The following SPATA20 variants were observed in gnomAD, a reference collection of about 807,000 sequenced individuals.
The protein encoded by SPATA20 is spermatogenesis associated 20, also known as spermatogenesis-associated protein 20.
SPATA20 carries 74 observed loss-of-function variants against 98.9 expected under a neutral mutation model. The ratio of observed to expected loss-of-function variants is 0.75; its 90% CI spans 0.62 to 0.91. The LOEUF is 0.91. Among genes scored for constraint, SPATA20 ranks in the 40% least tolerant of loss-of-function variants. The probability of loss-of-function intolerance (pLI) is 0.00; values close to 1 mark genes in which losing one functional copy is unlikely to be tolerated. For synonymous variants in SPATA20, 430 were observed against 440.5 expected (o/e 0.98, Z 0.30); for missense variants, 1,016 against 1,069.8 (o/e 0.95, Z 0.70).
intron 15 of SPATA20, among the ~76,000 whole-genome samples, chr17:50,554,742 A>G (rs1024061515): frequency 6.6e-6 from 1 of 151,686 alleles, no homozygotes; most frequent in Non-Finnish European, 1.5e-5. Flanking sequence ...GTGTCTGTGC[A>G]CCTACCTTTG....
chr17:50,551,946 C>T lies in SPATA20; in HGVS notation c.1746-23C>T. 8 of 1,554,470 alleles carry T rather than the reference C, an allele frequency of 5.1e-6. 1 individual carries two copies. The South Asian group carries it at 9.4e-5, about 18-fold the overall frequency. Reference sequence around the variant, plus strand: ...TCTCTCCTGGGGCTCTCCCCAGCCCCTCCCGTAATGCCTGTCCCCCAGCAA... The same window carrying T: ...TCTCTCCTGGGGCTCTCCCCAGCCCTTCCCGTAATGCCTGTCCCCCAGCAA... On this transcript the variant is annotated intron_variant, in intron 13 of 16. Transcript: ENST00000006658.
Position 50,547,199 on chromosome 17 carries a change from C to A in SPATA20, c.-10C>A. 1 of 1,426,646 alleles carries A rather than the reference C, an allele frequency of 7.0e-7. No homozygotes were observed. Among genetic ancestry groups the A allele is most frequent in the Non-Finnish European group, 9.1e-7 (1 of 1,098,366 alleles). 88.4% of individuals were successfully genotyped at this position (1,426,646 alleles called of 1,614,324 possible). On this transcript the variant is annotated 5_prime_UTR_variant, in exon 1 of 17. Transcript: ENST00000006658. Reference sequence around the variant, plus strand: ...GTCCTCAGCGGCCGGGCCCACGGCCCCGAGCAGCCATGCTGGGCGCGCGGG... The same window carrying A: ...GTCCTCAGCGGCCGGGCCCACGGCCACGAGCAGCCATGCTGGGCGCGCGGG...
At chr17:50,547,572 C>T in intron 1 of SPATA20, 148 bp from the exon 2 acceptor site, 1 of 712,618 alleles carries the variant, frequency 1.4e-6, no homozygotes, top group East Asian at 2.6e-5. Context: ...TCCTTGCACC[C>T]CAGTGCTGGA....
intron 4 of SPATA20, 21 bp downstream of exon 4, chr17:50,548,639 G>C: frequency 6.2e-7 from 1 of 1,610,794 alleles, no homozygotes; most frequent in Non-Finnish European, 8.5e-7. Context: ...CACCTTCCCT[G>C]ATGTGGGGGT....
At position 50,548,255 on chromosome 17, in the gene SPATA20, G is replaced by A. The variant is rs758216596; in HGVS notation, c.126-28G>A. The A allele has an allele frequency of 7.5e-6, 12 of 1,608,740 alleles. No homozygotes were observed. The African/African-American group carries it at 1.6e-4, about 22-fold the overall frequency. ...GGGAGAAGGTGGGTGGAGGCCCCTG[G>A]CTTGCCTGATGCACCAGTCCTCGCC... is the stretch of plus-strand genomic sequence containing the variant. On this transcript the variant is annotated intron_variant, in intron 2 of 16. Coordinates refer to ENST00000006658, the MANE Select transcript of SPATA20 (RefSeq NM_022827.4).
At chr17:50,549,947 C>T in intron 7 of SPATA20, 38 bp from the exon 8 acceptor site, 1 of 1,521,626 alleles carries the variant, frequency 6.6e-7, no homozygotes, top group East Asian at 2.3e-5. Flanking sequence ...TCCCCACTTT[C>T]CCATTCTCTC....
chr17:50,551,908 C>A, intron 13 of SPATA20, 61 bp from the exon 14 acceptor site: 1 of 1,459,462 alleles, frequency 6.9e-7, no homozygotes, highest in Non-Finnish European at 9.3e-7. Context: ...AGGGCCTCCT[C>A]TGGGAAAGGC....
Position 50,551,112 on chromosome 17 carries a change from G to C in SPATA20, c.1498G>C (p.Gly500Arg), listed in dbSNP as rs1359396256. ...GGCCGTGCGGACCTTGCTCAATTCA[G>C]GGCTGGAGAAGCTCTTCCAGGCCCG... ...VEAVRTLLNS[G>R]LEKLFQARKH... The change falls in exon 12 of 17, where the codon GGG becomes CGG. Residue 500 changes from glycine (G) to arginine (R), a missense_variant. By Grantham distance (125) the Gly-to-Arg change is moderately radical. Transcript: ENST00000006658. 4.3e-6 allele frequency: 7 copies of C among 1,612,682 alleles called. No homozygotes were observed. Among genetic ancestry groups the C allele is most frequent in the African/African-American group, 1.3e-5 (1 of 74,934 alleles).
chr17:50,551,566 G>T lies in SPATA20; in HGVS notation c.1632G>T (p.Leu544=). ...VTGAVLGQDR[L]INYATNGAKF... is the part of the protein sequence containing the mutation. ...GGGCTGTCCTGGGCCAAGACAGGCT[G>T]ATCAACTATGCCACCAATGGTGCCA... The change falls in exon 13 of 17, where the codon CTG becomes CTT. Residue 544 remains leucine (L), a synonymous_variant. Transcript: ENST00000006658. 1 of 1,606,492 alleles carries T rather than the reference G, an allele frequency of 6.2e-7. No individual in the cohort carries two copies. Among genetic ancestry groups the T allele is most frequent in the Non-Finnish European group, 8.5e-7 (1 of 1,173,788 alleles).
Position 50,554,298 on chromosome 17 carries a change from C to G in SPATA20, c.2005C>G (p.Leu669Val), listed in dbSNP as rs767329845. Reference sequence around the variant, plus strand: ...CGCCAATTCCGTGTCAGCCCACAACCTGCTCCGGCTGCATGGCTTCACGGG... The same window carrying G: ...CGCCAATTCCGTGTCAGCCCACAACGTGCTCCGGCTGCATGGCTTCACGGG... Reference protein sequence around the residue: ...PSANSVSAHNLLRLHGFTGHK... With the variant: ...PSANSVSAHNVLRLHGFTGHK... The change falls in exon 15 of 17, where the codon CTG becomes GTG. Residue 669 changes from leucine to valine, a missense_variant. Transcript: ENST00000006658. 6.2e-7 allele frequency: 1 copy of G among 1,614,238 alleles called. No individual in the cohort carries two copies. Among genetic ancestry groups the G allele is most frequent in the South Asian group, 1.1e-5 (1 of 91,088 alleles).
chr17:50,549,581 C>T (rs2034977157), intron 7 of SPATA20, 94 bp downstream of exon 7: 3 of 1,295,954 alleles, frequency 2.3e-6, no homozygotes, highest in Non-Finnish European at 1.1e-6. Flanking sequence ...CCCATAGCTT[C>T]CTGTCCTCCT....
At position 50,551,560 on chromosome 17, in the gene SPATA20, C is replaced by T. The variant is rs776185083; in HGVS notation, c.1626C>T (p.Asp542=). ...TGACTGGGGCTGTCCTGGGCCAAGACAGGCTGATCAACTATGCCACCAATG... is the reference window on the plus strand; with the variant it reads ...TGACTGGGGCTGTCCTGGGCCAAGATAGGCTGATCAACTATGCCACCAATG... ...YAVTGAVLGQ[D]RLINYATNGA... is the part of the protein sequence containing the mutation. The change falls in exon 13 of 17, where the codon GAC becomes GAT. Residue 542 remains aspartate (D), a synonymous_variant. Coordinates refer to ENST00000006658, the MANE Select transcript of SPATA20 (RefSeq NM_022827.4). The T allele has an allele frequency of 1.2e-6, 2 of 1,605,246 alleles. No individual in the cohort carries two copies. Among genetic ancestry groups the T allele is most frequent in the South Asian group, 2.2e-5 (2 of 90,908 alleles).
Position 50,548,278 on chromosome 17 carries a change from G to A in SPATA20, c.126-5G>A, listed in dbSNP as rs748381843. 7 of 1,612,530 alleles carry A rather than the reference G, an allele frequency of 4.3e-6. No individual in the cohort carries two copies. The highest frequency in any genetic ancestry group is 3.3e-5 in the South Asian group (3 of 90,942). On this transcript the variant is annotated splice_polypyrimidine_tract_variant and splice_region_variant and intron_variant, in intron 2 of 16. Coordinates refer to ENST00000006658, the MANE Select transcript of SPATA20 (RefSeq NM_022827.4). Reference sequence around the variant, plus strand: ...TGGCTTGCCTGATGCACCAGTCCTCGCCAGGGGTAGCTCCTCCCGGGACAA... The same window carrying A: ...TGGCTTGCCTGATGCACCAGTCCTCACCAGGGGTAGCTCCTCCCGGGACAA...
chr17:50,554,928 TGA>T (rs1358689391), intron 15 of SPATA20, among the ~76,000 whole-genome samples: 3 of 126,376 alleles, frequency 2.4e-5, no homozygotes, highest in African/African-American at 3.5e-5. Context: ...TGTGTGTGTG[TGA>T]CTACTCTGTG....
At position 50,552,009 on chromosome 17, in the gene SPATA20, G is replaced by T; in HGVS notation, c.1786G>T (p.Val596Leu). 3 of 1,612,556 alleles carry T rather than the reference G, an allele frequency of 1.9e-6. No individual in the cohort carries two copies. The highest frequency in any genetic ancestry group is 2.5e-6 in the Non-Finnish European group (3 of 1,179,422). The change falls in exon 14 of 17, where the codon GTG (valine) becomes TTG (leucine). Residue 596 changes from valine to leucine, a missense_variant. Transcript: ENST00000006658. ...CWGFLEDYAF[V>L]VRGLLDLYEA... The stretch of plus-strand genomic sequence containing the variant: ...GGGCTTCCTGGAGGACTACGCCTTC[G>T]TGGTGCGGGGCCTGCTGGACCTGTA...
chr17:50,554,421 C>G lies in SPATA20; in HGVS notation c.2128C>G (p.Leu710Val). ...GGCGTTGCCCGAGATGGTCCGCGCC[C>G]TCTCAGCCCAGCAGCAGACCCTCAA... is the stretch of plus-strand genomic sequence containing the variant. ...PVALPEMVRA[L>V]SAQQQTLKQI... The change falls in exon 15 of 17, where the codon CTC (leucine) becomes GTC (valine). Residue 710 changes from leucine (L) to valine (V), a missense_variant. Physicochemically the swap from Leu to Val is conservative, Grantham distance 32. Coordinates refer to ENST00000006658, the MANE Select transcript of SPATA20 (RefSeq NM_022827.4). 6.2e-7 allele frequency: 1 copy of G among 1,613,084 alleles called. No individual in the cohort carries two copies. Among genetic ancestry groups the G allele is most frequent in the South Asian group, 1.1e-5 (1 of 91,080 alleles).
intron 2 of SPATA20, 175 bp from the exon 3 acceptor site, chr17:50,548,108 C>G: frequency 6.6e-7 from 1 of 1,505,938 alleles, no homozygotes; most frequent in Non-Finnish European, 8.8e-7. Context: ...CCTCACCCCC[C>G]AAAAAACATA....
chr17:50,553,373 T>C (rs2035045120), intron 14 of SPATA20, among the ~76,000 whole-genome samples: 2 of 152,208 alleles, frequency 1.3e-5, no homozygotes, highest in South Asian at 4.1e-4. Context: ...AGGTGTCATT[T>C]AACCAAGGCC....
At chr17:50,547,405 T>C in intron 1 of SPATA20, 120 bp downstream of exon 1, 1 of 856,064 alleles carries the variant, frequency 1.2e-6, no homozygotes, top group Non-Finnish European at 1.8e-6. Context: ...GCCTGGCCCT[T>C]CCCCCACCCC....
Sources: allele counts gnomAD v4.1 joint callset (sites outside exome capture counted in the v4.1 genomes callset), GRCh38; gene constraint gnomAD v4.1.1; transcripts MANE v1.5; gene names NCBI Gene and HGNC (gene_info 2026-07-23, HGNC 2026-07-21).